RPH3A: variants seen among roughly 807,000 people sequenced by gnomAD.
The protein encoded by RPH3A is rabphilin-3A.
RPH3A carries 48 observed loss-of-function variants against 102.2 expected under a neutral mutation model. That is an observed-to-expected ratio of 0.47 (90% CI 0.37 to 0.60). The LOEUF is 0.60. Among genes scored for constraint, RPH3A ranks in the 20% least tolerant of loss-of-function variants. The probability of loss-of-function intolerance (pLI) is 0.00; values close to 1 mark genes in which losing one functional copy is unlikely to be tolerated. For synonymous variants in RPH3A, 310 were observed against 324.3 expected, an observed-to-expected ratio of 0.96 and a Z score of 0.47; for missense variants, 781 against 910.1, an observed-to-expected ratio of 0.86 and a Z score of 1.83.
chr12:112,801,456 C>T (rs988761084), intron 2 of RPH3A, among the ~76,000 whole-genome samples: 9 of 152,178 alleles, frequency 5.9e-5, no homozygotes, highest in African/African-American at 1.9e-4. Context: ...CCAGCCTTGG[C>T]CAACTTCCGC....
intron 5 of RPH3A, among the ~76,000 whole-genome samples, chr12:112,859,817 C>T (rs1301402950): frequency 1.3e-5 from 2 of 152,210 alleles, no homozygotes; most frequent in Non-Finnish European, 2.9e-5. Context: ...GAATATTGAA[C>T]ATTCTCCCCA....
At chr12:112,843,794 A>G (rs910836556) in intron 4 of RPH3A, among the ~76,000 whole-genome samples, 1 of 152,172 alleles carries the variant, frequency 6.6e-6, no homozygotes, top group African/African-American at 2.4e-5. Context: ...GGCGGCAAAT[A>G]AGGGAGAATT....
At chr12:112,686,630 G>A (rs1207199945) in intron 1 of RPH3A, among the ~76,000 whole-genome samples, 1 of 152,148 alleles carries the variant, frequency 6.6e-6, no homozygotes, top group African/African-American at 2.4e-5. Flanking sequence ...TGCAAGTGAG[G>A]CCATCCAGGA....
chr12:112,771,082 C>T (rs2040924366), intron 1 of RPH3A, among the ~76,000 whole-genome samples: 1 of 152,130 alleles, frequency 6.6e-6, no homozygotes, highest in African/African-American at 2.4e-5. Flanking sequence ...TAAACCCTTC[C>T]CCCACATCTG....
At chr12:112,753,383 A>T (rs762692789) in intron 1 of RPH3A, among the ~76,000 whole-genome samples, 1 of 152,186 alleles carries the variant, frequency 6.6e-6, no homozygotes, top group Non-Finnish European at 1.5e-5. Flanking sequence ...GGGCTATGAG[A>T]TACTGTGGTA....
chr12:112,678,683 C>G (rs79659531), intron 1 of RPH3A, among the ~76,000 whole-genome samples: 1 of 152,122 alleles, frequency 6.6e-6, no homozygotes, highest in African/African-American at 2.4e-5. Flanking sequence ...AGAAACCTGA[C>G]GCAGGATTTA....
upstream of RPH3A, among the ~76,000 whole-genome samples, chr12:112,789,509 G>A (rs1301367402): frequency 6.6e-6 from 1 of 152,154 alleles, no homozygotes; most frequent in Non-Finnish European, 1.5e-5. Context: ...AACTTACTGT[G>A]AAGCCTTGAG....
chr12:112,671,831 A>G (rs975308393), intron 1 of RPH3A, among the ~76,000 whole-genome samples: 17 of 151,884 alleles, frequency 1.1e-4, no homozygotes, highest in Non-Finnish European at 2.1e-4. Flanking sequence ...AGCGTTCTCC[A>G]GAAAAACAGA....
chr12:112,776,887 A>C lies in RPH3A; in HGVS notation c.-139-15256A>C, dbSNP rs2040971536. On this transcript the variant is annotated intron_variant, in intron 1 of 21. Coordinates refer to the RPH3A transcript ENST00000543106. ...AGACTCCATCTCAAAAAAAAAAAAAAAAAAAAAAAAAAAAAAAAAAAAAAG... is the reference window on the plus strand; with the variant it reads ...AGACTCCATCTCAAAAAAAAAAAAACAAAAAAAAAAAAAAAAAAAAAAAAG... Among the ~76,000 whole-genome samples, 4 of 144,384 alleles carry C rather than the reference A, an allele frequency of 2.8e-5. 1 individual carries two copies. The highest frequency in any genetic ancestry group is 4.5e-4 in the South Asian group (2 of 4,480). The allele number at this position is 144,384 out of a possible 152,430, so 94.7% of individuals were successfully genotyped here.
chr12:112,619,891 A>G (rs2039710053), intron 1 of RPH3A, among the ~76,000 whole-genome samples: 1 of 152,150 alleles, frequency 6.6e-6, no homozygotes, highest in African/African-American at 2.4e-5. Context: ...CCCTTTCTGA[A>G]TTAGTCAGAC....
chr12:112,887,954 G>C, intron 17 of RPH3A, 31 bp downstream of exon 17: 1 of 1,608,822 alleles, frequency 6.2e-7, no homozygotes, highest in Non-Finnish European at 8.5e-7. Flanking sequence ...GATCTGATGG[G>C]AGGAGGGGAG....
chr12:112,801,330 A>T (rs2041348939), intron 2 of RPH3A, among the ~76,000 whole-genome samples: 1 of 152,242 alleles, frequency 6.6e-6, no homozygotes, highest in Non-Finnish European at 1.5e-5. Flanking sequence ...GACTCATCAC[A>T]CAGAGCATGC....
Position 112,866,858 on chromosome 12 carries a change from AC to A in RPH3A, c.444+20del. The A allele has an allele frequency of 6.3e-7, 1 of 1,594,088 alleles. No homozygotes were observed. The highest frequency in any genetic ancestry group is 8.6e-7 in the Non-Finnish European group (1 of 1,166,772). On this transcript the variant is annotated intron_variant, in intron 7 of 21. Coordinates refer to ENST00000389385, the MANE Select transcript of RPH3A (RefSeq NM_001143854.2). ...AGAGGGAGGTGAGTGCCCTGGTCCC[AC>A]CTGGTGCCTAGATCACCCTCCTTTC...
intron 1 of RPH3A, among the ~76,000 whole-genome samples, chr12:112,612,801 C>A (rs1292156239): frequency 1.3e-5 from 2 of 151,578 alleles, no homozygotes; most frequent in Non-Finnish European, 2.9e-5. Flanking sequence ...GTTTTGAACT[C>A]CTGGGCTCAA....
intron 1 of RPH3A, among the ~76,000 whole-genome samples, chr12:112,606,849 A>G (rs2039600812): frequency 6.6e-6 from 1 of 152,158 alleles, no homozygotes; most frequent in Admixed American, 6.5e-5. Context: ...CTCCACCCCC[A>G]TGATCCAGTC....
chr12:112,621,519 C>T (rs566421080), intron 1 of RPH3A, among the ~76,000 whole-genome samples: 1 of 147,274 alleles, frequency 6.8e-6, no homozygotes, highest in African/African-American at 2.6e-5. Context: ...AAACGGCGCA[C>T]CACGAGACTA....
intron 1 of RPH3A, among the ~76,000 whole-genome samples, chr12:112,764,692 A>ATTG (rs2136068648): frequency 6.6e-6 from 1 of 151,802 alleles, no homozygotes; most frequent in East Asian, 1.9e-4. Context: ...TATTATTATT[A>ATTG]TTATTATTTT....
At chr12:112,728,935 T>C (rs1438214812) in intron 1 of RPH3A, among the ~76,000 whole-genome samples, 1 of 152,192 alleles carries the variant, frequency 6.6e-6, no homozygotes, top group Non-Finnish European at 1.5e-5. Flanking sequence ...ACCAGAGCGC[T>C]GCCTTCCTTT....
chr12:112,732,626 A>C (rs2040642626), intron 1 of RPH3A, among the ~76,000 whole-genome samples: 1 of 152,200 alleles, frequency 6.6e-6, no homozygotes, highest in African/African-American at 2.4e-5. Context: ...AGGTAGTGGG[A>C]AACATTGAGC....
Sources: allele counts gnomAD v4.1 joint callset (sites outside exome capture counted in the v4.1 genomes callset), GRCh38; gene constraint gnomAD v4.1.1; transcripts MANE v1.5; gene names NCBI Gene and HGNC (gene_info 2026-07-23, HGNC 2026-07-21).